Variants in PRKCZ observed in about 807,000 individuals in gnomAD.
PRKCZ encodes protein kinase C zeta, also known as protein kinase C zeta type.
PRKCZ carries 33 observed loss-of-function variants against 79.5 expected under a neutral mutation model. The observed-to-expected ratio is 0.41, with a 90% CI of 0.31 to 0.55. The LOEUF (loss-of-function observed/expected upper bound fraction) is 0.55, where lower values mean the gene tolerates loss of function less well. PRKCZ is among the 20% of genes least tolerant of loss of function. The probability of loss-of-function intolerance (pLI) is 0.19; values close to 1 mark genes in which losing one functional copy is unlikely to be tolerated. For missense variants in PRKCZ, 578 were observed against 813.5 expected (o/e 0.71, Z 3.52); for synonymous variants, 342 against 320.9 (o/e 1.07, Z -0.70).
chr1:2,122,583 T>G (rs1347803789), intron 4 of PRKCZ, among the ~76,000 whole-genome samples: 1 of 2,404 alleles, frequency 4.2e-4, no homozygotes, highest in Non-Finnish European at 6.2e-4. Flanking sequence ...TGGTTAGGGT[T>G]GTGGTGGTTA....
chr1:2,052,801 G>T (rs999448824), intron 1 of PRKCZ, among the ~76,000 whole-genome samples: 2 of 152,290 alleles, frequency 1.3e-5, no homozygotes, highest in Non-Finnish European at 2.9e-5. Flanking sequence ...GGGGTGAGAC[G>T]CTGCTGTCCG....
At position 2,118,748 on chromosome 1, in the gene PRKCZ, TGTGTGTGA is replaced by T. The variant is rs1265869358; in HGVS notation, c.335-16512_335-16505del. On this transcript the variant is annotated intron_variant, in intron 4 of 17. Transcript: ENST00000378567. ...GTGTGTGTGTGTGTGTGTGTGTGTG[TGTGTGTGA>T]GATGAGGGGAGGGAGGGAAGGGGAC... 2.5e-3 allele frequency among the ~76,000 whole-genome samples: 367 copies of T among 147,288 alleles called. 3 individuals carry two copies. The highest frequency in any genetic ancestry group is 7.3e-3 in the African/African-American group (280 of 38,252).
chr1:2,087,074 T>C (rs1664653128), intron 4 of PRKCZ, among the ~76,000 whole-genome samples: 1 of 152,110 alleles, frequency 6.6e-6, no homozygotes, highest in Non-Finnish European at 1.5e-5. Flanking sequence ...TTTAGTGTAT[T>C]TCCCCATTCT....
In PRKCZ at chr1:2,107,952, GCAGTGTCAAGGGAGCCCCCAGA is replaced by G. The variant is rs538212087; in HGVS notation, c.335-27290_335-27269del. ...CCCGGCAGTGTCAAGGGAGCCCCTG[GCAGTGTCAAGGGAGCCCCCAGA>G]CAGTGTCAAGGGAGCCCCCCAACCC... On this transcript the variant is annotated intron_variant, in intron 4 of 17. Coordinates refer to ENST00000378567, the MANE Select transcript of PRKCZ (RefSeq NM_002744.6). Among the ~76,000 whole-genome samples the G allele has an allele frequency of 5.0e-3, 749 of 149,946 alleles. 4 individuals are homozygous for G. The highest frequency in any genetic ancestry group is 0.017 in the African/African-American group (688 of 40,586).
Position 2,169,386 on chromosome 1 carries a change from G to A in PRKCZ, c.975-132G>A, listed in dbSNP as rs947550580. 3.8e-6 allele frequency: 3 copies of A among 781,124 alleles called. No homozygotes were observed. The African/African-American group carries it at 5.2e-5, about 13-fold the overall frequency. The allele number at this position is 781,124 out of a possible 1,614,324, so 48.4% of individuals were successfully genotyped here. A position where few individuals can be genotyped will look rare whatever the true frequency, so the allele number is the denominator to read the frequency against. ...TCTCTGCTGCCAGGGTGCTCCTGCT[G>A]CTCTTTGCTCTTTGCAAGACTGAAC... On this transcript the variant is annotated intron_variant, in intron 10 of 17. Coordinates refer to ENST00000378567, the MANE Select transcript of PRKCZ (RefSeq NM_002744.6).
chr1:2,105,890 G>A (rs1364164532), intron 4 of PRKCZ, among the ~76,000 whole-genome samples: 1 of 152,166 alleles, frequency 6.6e-6, no homozygotes, highest in African/African-American at 2.4e-5. Flanking sequence ...GTCTCAGGTG[G>A]GAGGGGCTGC....
Position 2,095,894 on chromosome 1 carries a change from CCTCCCCTCCT to C in PRKCZ, c.334+36323_334+36332del, listed in dbSNP as rs1428530505. 4.0e-3 allele frequency among the ~76,000 whole-genome samples: 405 copies of C among 102,504 alleles called. 6 individuals carry two copies. Among genetic ancestry groups the C allele is most frequent in the African/African-American group, 0.014 (345 of 25,278 alleles). The allele number at this position is 102,504 out of a possible 152,430, so 67.2% of individuals were successfully genotyped here. On this transcript the variant is annotated intron_variant, in intron 4 of 17. Coordinates refer to ENST00000378567, the MANE Select transcript of PRKCZ (RefSeq NM_002744.6). ...TTTCCTTTCCCCTCCCCTCCTTTCC[CCTCCCCTCCT>C]CTCCCCTCCTCTCCCCTCCCTTCCC...
intron 4 of PRKCZ, among the ~76,000 whole-genome samples, chr1:2,092,456 G>A (rs915851962): frequency 2.0e-5 from 3 of 152,220 alleles, no homozygotes; most frequent in Admixed American, 1.3e-4. Flanking sequence ...ACTCGGCCGC[G>A]CCCTCCCCCT....
intron 10 of PRKCZ, among the ~76,000 whole-genome samples, chr1:2,157,704 C>T (rs1283061102): frequency 6.7e-6 from 1 of 149,606 alleles, no homozygotes; most frequent in East Asian, 2.0e-4. Context: ...CTGAGCCCCG[C>T]CTCCAGAGTT....
At chr1:2,166,432 C>T (rs990725603) in intron 10 of PRKCZ, among the ~76,000 whole-genome samples, 6 of 152,066 alleles carry the variant, frequency 3.9e-5, no homozygotes, top group Non-Finnish European at 5.9e-5. Flanking sequence ...AAAACAGCCC[C>T]GAGGGCACGT....
At chr1:2,073,575 T>C in intron 4 of PRKCZ, 1 of 974,064 alleles carries the variant, frequency 1.0e-6, no homozygotes, top group African/African-American at 1.8e-5. Context: ...CCGCCCGCTC[T>C]CTGGACTGTG....
At chr1:2,181,849 T>C (rs570603918) in intron 16 of PRKCZ, 35 of 456,358 alleles carry the variant, frequency 7.7e-5, no homozygotes, top group South Asian at 4.6e-4. Context: ...ATACAAAGAA[T>C]ACAAGTAACT....
intron 5 of PRKCZ, among the ~76,000 whole-genome samples, chr1:2,140,223 C>T (rs548768608): frequency 7.2e-4 from 109 of 152,272 alleles, no homozygotes; most frequent in Non-Finnish European, 1.3e-3. Context: ...CATCTGAGCT[C>T]GCAATGGAAA....
chr1:2,104,964 G>A (rs555361698), intron 4 of PRKCZ: 81 of 978,864 alleles, frequency 8.3e-5, no homozygotes, highest in African/African-American at 3.1e-4. Context: ...GGGCGCGGCC[G>A]GCCTCACCCC....
intron 4 of PRKCZ, among the ~76,000 whole-genome samples, chr1:2,063,326 T>G (rs1341110691): frequency 1.3e-5 from 2 of 152,236 alleles, no homozygotes; most frequent in Non-Finnish European, 2.9e-5. Context: ...TATTCATTTA[T>G]TTTTGAGATA....
chr1:2,142,689 G>A (rs1677623682), intron 5 of PRKCZ: 1 of 165,574 alleles, frequency 6.0e-6, no homozygotes, highest in African/African-American at 2.4e-5. Context: ...TTTTTCCTGT[G>A]ACGAAGTTGA....
intron 4 of PRKCZ, among the ~76,000 whole-genome samples, chr1:2,099,257 G>A (rs574617898): frequency 6.6e-6 from 1 of 152,326 alleles, no homozygotes; most frequent in Non-Finnish European, 1.5e-5. Flanking sequence ...TTTTCAGTGC[G>A]ATGCAGCTGG....
rs1373305242 is a variant in PRKCZ, at chr1:2,171,341, C to CA, written c.1062-697dup. On this transcript the variant is annotated intron_variant, in intron 11 of 17. Transcript: ENST00000378567. ...TGGGTGACAGAGTGAAACTCTGTCT[C>CA]AAAAAAAAAAAAAAAAAGGTCATAT... Among the ~76,000 whole-genome samples the CA allele has an allele frequency of 1.0e-2, 478 of 47,890 alleles. 2 individuals are homozygous for CA. The highest frequency in any genetic ancestry group is 0.013 in the African/African-American group (182 of 13,500). 31.4% of individuals were successfully genotyped at this position (47,890 alleles called of 152,430 possible).
At chr1:2,089,994 C>G (rs748436745) in intron 4 of PRKCZ, among the ~76,000 whole-genome samples, 2 of 152,188 alleles carry the variant, frequency 1.3e-5, no homozygotes, top group African/African-American at 2.4e-5. Context: ...GTGAGGAGCC[C>G]GGGCCAGGCC....
Sources: gnomAD v4.1 joint callset for allele counts (sites outside exome capture counted in the v4.1 genomes callset) on GRCh38, gnomAD v4.1.1 for gene constraint, MANE v1.5 for transcripts, NCBI Gene and HGNC (gene_info 2026-07-23, HGNC 2026-07-21) for gene names.